LRRC4C: variants seen among roughly 807,000 people sequenced by gnomAD.
LRRC4C encodes the protein leucine-rich repeat-containing protein 4C.
LRRC4C carries 5 observed loss-of-function variants against 33.6 expected under a neutral mutation model. The observed-to-expected ratio is 0.15, with a 90% CI of 0.08 to 0.31. The LOEUF (loss-of-function observed/expected upper bound fraction) is 0.31. Among genes scored for constraint, LRRC4C ranks in the 10% least tolerant of loss-of-function variants. LRRC4C has a pLI of 1.00. For missense variants in LRRC4C, 560 were observed against 796.7 expected (o/e 0.70, Z 3.58); for synonymous variants, 329 against 302.0 (o/e 1.09, Z -0.93).
chr11:41,399,356 G>A (rs1432293000), intron 1 of LRRC4C, among the ~76,000 whole-genome samples: 1 of 151,958 alleles, frequency 6.6e-6, no homozygotes. Context: ...GGACTGACTG[G>A]TGAGGAAAGA....
chr11:41,138,495 T>C (rs894041735), intron 1 of LRRC4C, among the ~76,000 whole-genome samples: 2 of 152,126 alleles, frequency 1.3e-5, no homozygotes, highest in African/African-American at 2.4e-5. Context: ...ACTCATATCA[T>C]AAAAGAATGG....
rs1453027121 is a variant in LRRC4C, at chr11:41,254,249, G to A, written c.-496+205182C>T. ...AGTACATGTGCCTGGTTTGTACATA[G>A]AATCAAGAAACCCTTTTTCCAATAA... On this transcript the variant is annotated intron_variant, in intron 1 of 6. Transcript: ENST00000528697. Among the ~76,000 whole-genome samples the A allele has an allele frequency of 3.3e-5, 5 of 152,026 alleles. No individual in the cohort carries two copies. The South Asian group carries it at 1.0e-3, about 31-fold the overall frequency.
chr11:40,678,875 T>C (rs1417580987), intron 2 of LRRC4C, among the ~76,000 whole-genome samples: 2 of 152,096 alleles, frequency 1.3e-5, no homozygotes, highest in East Asian at 3.9e-4. Flanking sequence ...AGGGGGGTGC[T>C]ACAATAAAGG....
intron 3 of LRRC4C, among the ~76,000 whole-genome samples, chr11:40,442,860 T>G (rs1458943324): frequency 6.6e-6 from 1 of 152,192 alleles, no homozygotes. Flanking sequence ...TGACCATCAG[T>G]ATATGTTTCA....
At chr11:40,176,774 CA>C (rs769184170) in intron 5 of LRRC4C, among the ~76,000 whole-genome samples, 20 of 151,846 alleles carry the variant, frequency 1.3e-4, no homozygotes, top group Non-Finnish European at 2.4e-4. Flanking sequence ...CTTCTGGCCT[CA>C]AGTGATCCTC....
At chr11:40,856,793 T>G (rs776989394) in intron 2 of LRRC4C, among the ~76,000 whole-genome samples, 1 of 152,208 alleles carries the variant, frequency 6.6e-6, no homozygotes, top group Non-Finnish European at 1.5e-5. Flanking sequence ...CAGCACAGCA[T>G]CTGAGTGCAG....
chr11:40,868,543 C>G (rs1168660094), intron 2 of LRRC4C, among the ~76,000 whole-genome samples: 1 of 152,000 alleles, frequency 6.6e-6, no homozygotes, highest in Non-Finnish European at 1.5e-5. Context: ...GCCCTGAACC[C>G]AAAACAGTAC....
chr11:40,231,582 AT>A (rs1411131500), intron 5 of LRRC4C, among the ~76,000 whole-genome samples: 2 of 152,196 alleles, frequency 1.3e-5, no homozygotes, highest in Non-Finnish European at 2.9e-5. Context: ...ATCTCATTTA[AT>A]TCTCCCAATA....
chr11:41,158,132 G>T (rs1734406106), intron 1 of LRRC4C, among the ~76,000 whole-genome samples: 1 of 151,934 alleles, frequency 6.6e-6, no homozygotes, highest in Non-Finnish European at 1.5e-5. Flanking sequence ...AAGCCTAAGA[G>T]GAAGATACTA....
At chr11:40,157,156 G>A (rs865912808) in intron 5 of LRRC4C, among the ~76,000 whole-genome samples, 3 of 152,258 alleles carry the variant, frequency 2.0e-5, no homozygotes, top group Middle Eastern at 3.4e-3. Flanking sequence ...AACATAAAGT[G>A]TGGAAAGGAC....
chr11:41,374,197 T>G (rs1952856921), intron 1 of LRRC4C, among the ~76,000 whole-genome samples: 1 of 152,174 alleles, frequency 6.6e-6, no homozygotes, highest in Non-Finnish European at 1.5e-5. Flanking sequence ...AGGTTTGAAT[T>G]GGTATTTTCA....
At chr11:40,664,667 G>A (rs1387242420) in intron 2 of LRRC4C, among the ~76,000 whole-genome samples, 2 of 151,780 alleles carry the variant, frequency 1.3e-5, no homozygotes, top group Non-Finnish European at 2.9e-5. Flanking sequence ...ACAAAATGTA[G>A]GCGTAATGAT....
At chr11:40,749,393 A>T (rs745833842) in intron 2 of LRRC4C, among the ~76,000 whole-genome samples, 3 of 151,714 alleles carry the variant, frequency 2.0e-5, no homozygotes, top group Non-Finnish European at 4.4e-5. Flanking sequence ...AGAGGTTAAG[A>T]TGGAAATAAA....
chr11:41,119,367 C>G (rs547674839), intron 1 of LRRC4C, among the ~76,000 whole-genome samples: 56 of 152,272 alleles, frequency 3.7e-4, no homozygotes, highest in Non-Finnish European at 5.7e-4. Flanking sequence ...AGAAGTCACT[C>G]TGTGGTAGAT....
intron 5 of LRRC4C, among the ~76,000 whole-genome samples, chr11:40,164,573 A>T (rs1430029489): frequency 6.6e-6 from 1 of 152,168 alleles, no homozygotes; most frequent in Non-Finnish European, 1.5e-5. Context: ...ATGGAACTGG[A>T]TATCACTGTG....
At position 41,163,284 on chromosome 11, in the gene LRRC4C, GTTT is replaced by G. The variant is rs71466923; in HGVS notation, c.-495-229564_-495-229562del. Reference sequence around the variant, plus strand: ...GTAATAAACTTAGTTTACTGTAACTGTTTTTTTTTTTTTTTTTCAAACAGGGTC... The same window carrying G: ...GTAATAAACTTAGTTTACTGTAACTGTTTTTTTTTTTTTTCAAACAGGGTC... On this transcript the variant is annotated intron_variant, in intron 1 of 6. Coordinates refer to ENST00000528697, the MANE Select transcript of LRRC4C (RefSeq NM_001258419.2). Among the ~76,000 whole-genome samples the G allele has an allele frequency of 8.0e-4, 59 of 73,374 alleles. 4 individuals carry two copies. Among genetic ancestry groups the G allele is most frequent in the Admixed American group, 1.1e-3 (5 of 4,392 alleles). The allele number at this position is 73,374 out of a possible 152,430, so 48.1% of individuals were successfully genotyped here.
chr11:40,819,198 A>C (rs1401570142), intron 2 of LRRC4C, among the ~76,000 whole-genome samples: 1 of 152,166 alleles, frequency 6.6e-6, no homozygotes, highest in African/African-American at 2.4e-5. Flanking sequence ...TAGGACATCC[A>C]GATATGGGCA....
At chr11:40,704,351 C>T (rs1354931522) in intron 2 of LRRC4C, among the ~76,000 whole-genome samples, 2 of 152,004 alleles carry the variant, frequency 1.3e-5, no homozygotes, top group Non-Finnish European at 2.9e-5. Context: ...CAATGAGAGA[C>T]CTGCAAAACA....
intron 2 of LRRC4C, among the ~76,000 whole-genome samples, chr11:40,696,762 A>G (rs906572595): frequency 2.1e-4 from 29 of 140,062 alleles, no homozygotes; most frequent in Non-Finnish European, 3.1e-4. Flanking sequence ...ATATATATAT[A>G]TATATATATA....
Sources: gnomAD v4.1 joint callset for allele counts (sites outside exome capture counted in the v4.1 genomes callset) on GRCh38, gnomAD v4.1.1 for gene constraint, MANE v1.5 for transcripts, NCBI Gene and HGNC (gene_info 2026-07-23, HGNC 2026-07-21) for gene names.